NUAK1: variants seen among roughly 807,000 people sequenced by gnomAD.
NUAK1 encodes NUAK family kinase 1.
In NUAK1, 26 loss-of-function variants were observed where a neutral mutation model predicts 56.9. That is an observed-to-expected ratio of 0.46 (90% confidence interval 0.33 to 0.63). The LOEUF (loss-of-function observed/expected upper bound fraction) is 0.63, where lower values mean the gene tolerates loss of function less well. NUAK1 is among the 30% of genes least tolerant of loss of function. The pLI is 0.02. For synonymous variants in NUAK1, 337 were observed against 336.0 expected (o/e 1.00, Z -0.03); for missense variants, 727 against 876.1 (o/e 0.83, Z 2.15).
At chr12:106,095,813 G>C (rs1196757329) in intron 2 of NUAK1, among the ~76,000 whole-genome samples, 1 of 152,200 alleles carries the variant, frequency 6.6e-6, no homozygotes, top group Non-Finnish European at 1.5e-5. Flanking sequence ...TAAAAGCTGA[G>C]GTGAAGGCAA....
chr12:106,074,660 T>C (rs534149825), intron 4 of NUAK1, among the ~76,000 whole-genome samples: 2 of 152,234 alleles, frequency 1.3e-5, no homozygotes, highest in African/African-American at 4.8e-5. Flanking sequence ...TGATTTCCAT[T>C]TGAGGCTTGG....
rs2032352772 is a variant in NUAK1, at chr12:106,067,281, AG to A, written c.1506del (p.Ser503ProfsTer10). The A allele has an allele frequency of 4.3e-6, 7 of 1,613,918 alleles. No homozygotes were observed. Among genetic ancestry groups the A allele is most frequent in the Non-Finnish European group, 5.9e-6 (7 of 1,179,958 alleles). ...CTGGCTGGGTCCGGGGGGCTGGGGG[AG>A]GGGATGCTGCTGCCCATCACATCAT... ...DSNDVMGSSI[P>X]SPSPPDPARV... On this transcript the variant is annotated frameshift_variant, in exon 7 of 7. Transcript: ENST00000261402. LOFTEE classifies it high-confidence loss of function. This position sits in a 1 kb window ranked among gnomAD's most constrained non-coding sequence, Gnocchi z 6.0.
intron 2 of NUAK1, among the ~76,000 whole-genome samples, chr12:106,091,669 A>G (rs1339306423): frequency 1.3e-5 from 2 of 152,106 alleles, no homozygotes; most frequent in African/African-American, 4.8e-5. Context: ...GCCGAGAACA[A>G]TCCAAGAGAC....
intron 4 of NUAK1, among the ~76,000 whole-genome samples, chr12:106,074,620 G>GC (rs1464400710): frequency 1.3e-5 from 2 of 152,124 alleles, no homozygotes; most frequent in African/African-American, 2.4e-5. Flanking sequence ...TGCAAGCTGA[G>GC]CCCCTGTAGG....
chr12:106,128,383 G>A (rs943544840), intron 1 of NUAK1, among the ~76,000 whole-genome samples: 26 of 151,916 alleles, frequency 1.7e-4, no homozygotes, highest in African/African-American at 6.3e-4. Flanking sequence ...CACCCACCTC[G>A]GCCTCTCAAA....
chr12:106,072,795 G>T lies in NUAK1; in HGVS notation c.628C>A (p.Gln210Lys), dbSNP rs753998943. ...SNLYQKDKFL[Q>K]TFCGSPLYAS... ...TAGAGTGGACTCCCACAAAACGTTT[G>T]TAAGAACTTATCCTTCTGGTACAGG... The change falls in exon 5 of 7, where the codon CAA becomes AAA. Residue 210 changes from glutamine (Q) to lysine (K), a missense_variant. Coordinates refer to ENST00000261402, the MANE Select transcript of NUAK1 (RefSeq NM_014840.3). The T allele has an allele frequency of 2.5e-6, 4 of 1,613,858 alleles. No individual in the cohort carries two copies. In the South Asian group the frequency reaches 4.4e-5, roughly 18 times the overall value.
chr12:106,138,806 A>T lies in NUAK1; in HGVS notation c.-153T>A. ...ATACCGCTCGGACTGCGGCTCGGTC[A>T]CTGGCGGCGGCGGGGACTGCACATC... On this transcript the variant is annotated 5_prime_UTR_variant, in exon 1 of 7. The change abolishes the stop of an existing upstream ORF in the 5' untranslated region. Coordinates refer to ENST00000261402, the MANE Select transcript of NUAK1 (RefSeq NM_014840.3). The surrounding 1 kb of genome is among the most constrained non-coding windows in gnomAD (Gnocchi z 5.0). 1 of 1,097,450 alleles carries T rather than the reference A, an allele frequency of 9.1e-7. No homozygotes were observed. Among genetic ancestry groups the T allele is most frequent in the Non-Finnish European group, 1.2e-6 (1 of 832,696 alleles). The allele number at this position is 1,097,450 out of a possible 1,614,324, so 68.0% of individuals were successfully genotyped here.
chr12:106,094,625 A>G (rs1019738377), intron 2 of NUAK1, among the ~76,000 whole-genome samples: 2 of 152,220 alleles, frequency 1.3e-5, no homozygotes, highest in African/African-American at 2.4e-5. Flanking sequence ...TTTGCACAAC[A>G]AAAGACTTTT....
intron 4 of NUAK1, among the ~76,000 whole-genome samples, chr12:106,082,372 G>A (rs745748096): frequency 6.6e-6 from 1 of 152,212 alleles, no homozygotes; most frequent in African/African-American, 2.4e-5. Flanking sequence ...TTGGACACGA[G>A]TGCTTAGCAG....
At chr12:106,137,126 G>T (rs1282092555) in intron 1 of NUAK1, among the ~76,000 whole-genome samples, 1 of 152,168 alleles carries the variant, frequency 6.6e-6, no homozygotes, top group Non-Finnish European at 1.5e-5. Flanking sequence ...CTGAGAAATG[G>T]GTTGGGAGGG....
rs2032340413 is a variant in NUAK1 at position 106,066,514 on chromosome 12, G to A, written c.*288C>T. On this transcript the variant is annotated 3_prime_UTR_variant, in exon 7 of 7. Transcript: ENST00000261402. ...CACATATGCTTCCTCTCCACCCACT[G>A]AGTGCCGGTCAATACCACCTCCCCT... 2.3e-6 allele frequency: 1 copy of A among 437,702 alleles called. No homozygotes were observed. 27.1% of individuals were successfully genotyped at this position (437,702 alleles called of 1,614,324 possible).
intron 2 of NUAK1, among the ~76,000 whole-genome samples, chr12:106,092,955 T>C (rs1458245059): frequency 6.6e-6 from 1 of 152,240 alleles, no homozygotes; most frequent in Non-Finnish European, 1.5e-5. Context: ...TCAGCCGATT[T>C]GAGGCATTTA....
In NUAK1 at chr12:106,112,576, G is replaced by A. The variant is rs1053375426; in HGVS notation, c.241-6051C>T. On this transcript the variant is annotated intron_variant, in intron 1 of 6. Coordinates refer to ENST00000261402, the MANE Select transcript of NUAK1 (RefSeq NM_014840.3). ...ATTAAATGACCCCGGGCTCTTTATG[G>A]AGGGGCCTGGCCAACTCAGAACAAC... is the stretch of plus-strand genomic sequence containing the variant. 5.9e-5 allele frequency among the ~76,000 whole-genome samples: 9 copies of A among 152,176 alleles called. No homozygotes were observed. The South Asian group carries it at 6.2e-4, about 11-fold the overall frequency.
chr12:106,118,154 G>A (rs2569976), intron 1 of NUAK1, among the ~76,000 whole-genome samples: 1 of 152,134 alleles, frequency 6.6e-6, no homozygotes, highest in African/African-American at 2.4e-5. Context: ...ATACCATGCT[G>A]TATGAATGGC....
At position 106,072,763 on chromosome 12, in the gene NUAK1, A is replaced by G. The variant is rs1461990104; in HGVS notation, c.660T>C (p.Ser220=). 6.2e-7 allele frequency: 1 copy of G among 1,613,902 alleles called. No homozygotes were observed. Among genetic ancestry groups the G allele is most frequent in the East Asian group, 2.2e-5 (1 of 44,876 alleles). The change falls in exon 5 of 7, where the codon TCT becomes TCC. Residue 220 remains serine (S), a synonymous_variant. Transcript: ENST00000261402. ...QTFCGSPLYA[S]PEIVNGRPYR... is the part of the protein sequence containing the mutation. The stretch of plus-strand genomic sequence containing the variant: ...AAGGTCTCCCATTGACAATCTCAGG[A>G]GATGCATAGAGTGGACTCCCACAAA...
At chr12:106,072,688 C>A (rs1396852076) in intron 5 of NUAK1, 36 bp downstream of exon 5, 1 of 1,580,904 alleles carries the variant, frequency 6.3e-7, no homozygotes, top group East Asian at 2.3e-5. Flanking sequence ...TCTCCCTCCC[C>A]TCCCCTGCCC....
intron 1 of NUAK1, among the ~76,000 whole-genome samples, chr12:106,111,902 TAA>T (rs35552828): frequency 0.057 from 7,035 of 123,322 alleles, 357 homozygotes; most frequent in African/African-American, 0.14. Flanking sequence ...ACATAGCCTG[TAA>T]AAAAAAAAAA....
rs749654957 is a variant in NUAK1, at chr12:106,067,460, G to A, written c.1328C>T (p.Pro443Leu). The change falls in exon 7 of 7, where the codon CCA (proline) becomes CTA (leucine). Residue 443 changes from proline to leucine, a missense_variant. Coordinates refer to ENST00000261402, the MANE Select transcript of NUAK1 (RefSeq NM_014840.3). This position sits in a 1 kb window ranked among gnomAD's most constrained non-coding sequence, Gnocchi z 6.0. ...CGGCACCTCTGCCTCTGGTGAGCTT[G>A]GGAGGAGCACGCCAGTCCTGCACAA... ...QDLCRTGVLLPSSPEAEVPGK... is the reference protein window; with the variant it reads ...QDLCRTGVLLLSSPEAEVPGK... 1.3e-5 allele frequency: 21 copies of A among 1,614,068 alleles called. No homozygotes were observed. The highest frequency in any genetic ancestry group is 1.8e-5 in the Non-Finnish European group (21 of 1,180,054).
At chr12:106,078,015 T>C (rs1400871334) in intron 4 of NUAK1, among the ~76,000 whole-genome samples, 1 of 152,220 alleles carries the variant, frequency 6.6e-6, no homozygotes, top group African/African-American at 2.4e-5. Flanking sequence ...GAAAATGGAA[T>C]TGCAATACCG....
Sources: allele counts gnomAD v4.1 joint callset (sites outside exome capture counted in the v4.1 genomes callset), GRCh38; gene constraint gnomAD v4.1.1; non-coding constraint Gnocchi (gnomAD v3.1); transcripts MANE v1.5; gene names NCBI Gene and HGNC (gene_info 2026-07-23, HGNC 2026-07-21).